The following RABGAP1L variants were observed in gnomAD, a reference collection of about 807,000 sequenced individuals.
RABGAP1L encodes rab GTPase-activating protein 1-like.
A neutral mutation model predicts 137.7 loss-of-function variants in RABGAP1L; 63 were observed. The observed-to-expected ratio is 0.46, with a 90% CI of 0.37 to 0.56. The LOEUF is 0.56. RABGAP1L is among the 20% of genes least tolerant of loss of function. The pLI is 0.00. For missense variants in RABGAP1L, 1,095 were observed against 1,244.0 expected (o/e 0.88, Z 1.80); for synonymous variants, 431 against 433.7 (o/e 0.99, Z 0.08).
intron 19 of RABGAP1L, among the ~76,000 whole-genome samples, chr1:174,825,662 C>G (rs1691488276): frequency 6.6e-6 from 1 of 152,200 alleles, no homozygotes; most frequent in African/African-American, 2.4e-5. Context: ...GGTGGTGGAT[C>G]ACTTGAGGCC....
Position 174,539,263 on chromosome 1 carries a change from A to AT in RABGAP1L, c.1711-98105dup, listed in dbSNP as rs962085129. On this transcript the variant is annotated intron_variant, in intron 13 of 25. Transcript: ENST00000681986. ...TAAACCGGGGTTTTATTTTTGATTTATTTTTTTCATTTCTTTTTTTTCTTT... is the reference window on the plus strand; with the variant it reads ...TAAACCGGGGTTTTATTTTTGATTTATTTTTTTTCATTTCTTTTTTTTCTTT... Among the ~76,000 whole-genome samples, 6 of 151,242 alleles carry AT rather than the reference A, an allele frequency of 4.0e-5. No individual in the cohort carries two copies. The South Asian group carries it at 6.3e-4, about 16-fold the overall frequency.
chr1:174,795,738 T>C (rs1351918133), intron 18 of RABGAP1L, among the ~76,000 whole-genome samples: 1 of 152,156 alleles, frequency 6.6e-6, no homozygotes, highest in Non-Finnish European at 1.5e-5. Context: ...ATTATTGTTG[T>C]TATTATTATA....
intron 13 of RABGAP1L, among the ~76,000 whole-genome samples, chr1:174,590,123 C>CTTTTTTTTTTTTTTTTTTTTTTTTTT (rs1166364912): frequency 1.7e-5 from 1 of 59,802 alleles, no homozygotes; most frequent in Non-Finnish European, 3.2e-5. Flanking sequence ...TCTTCAGTTT[C>CTTTTTTTTTTTTTTTTTTTTTTTTTT]TTTTTTTTTT....
At chr1:174,790,766 A>AGTGT (rs113486055) in intron 18 of RABGAP1L, among the ~76,000 whole-genome samples, 33 of 137,276 alleles carry the variant, frequency 2.4e-4, no homozygotes, top group African/African-American at 6.7e-4. Context: ...TGAAGCCATG[A>AGTGT]GTGTGTGTGT....
At chr1:174,783,707 C>CTTTTTTTTTT (rs34367315) in intron 18 of RABGAP1L, among the ~76,000 whole-genome samples, 54 of 102,474 alleles carry the variant, frequency 5.3e-4, no homozygotes, top group Non-Finnish European at 8.2e-4. Context: ...TCTTCTTCTT[C>CTTTTTTTTTT]TTTTTTTTTT....
At position 174,289,406 on chromosome 1, in the gene RABGAP1L, T is replaced by G. The variant is rs563902106; in HGVS notation, c.1323+10627T>G. ...TTTGTTAATGTATTGTTTTTCTGAT[T>G]AGTTGTCTGTGTTTTCTTGTAGTTC... On this transcript the variant is annotated intron_variant, in intron 10 of 25. Transcript: ENST00000681986. 4.6e-5 allele frequency among the ~76,000 whole-genome samples: 7 copies of G among 152,332 alleles called. No homozygotes were observed. The South Asian group carries it at 1.2e-3, about 27-fold the overall frequency.
intron 13 of RABGAP1L, among the ~76,000 whole-genome samples, chr1:174,572,889 G>A (rs1668088964): frequency 6.6e-6 from 1 of 152,164 alleles, no homozygotes; most frequent in Non-Finnish European, 1.5e-5. Flanking sequence ...TCATTTAGCA[G>A]CCCTGTGCAG....
chr1:174,485,001 A>AC (rs1255535841), intron 13 of RABGAP1L, among the ~76,000 whole-genome samples: 2 of 152,104 alleles, frequency 1.3e-5, no homozygotes, highest in Non-Finnish European at 1.5e-5. Context: ...ATATCTATCC[A>AC]TTTGTGTGTG....
chr1:174,587,988 C>G (rs551746957), intron 13 of RABGAP1L, among the ~76,000 whole-genome samples: 2 of 151,812 alleles, frequency 1.3e-5, no homozygotes, highest in African/African-American at 2.4e-5. Flanking sequence ...CTCAGCCTCC[C>G]GAGTAGTTGG....
chr1:174,832,173 A>T (rs912081113), intron 19 of RABGAP1L, among the ~76,000 whole-genome samples: 2 of 146,590 alleles, frequency 1.4e-5, no homozygotes, highest in African/African-American at 5.0e-5. Flanking sequence ...GGCACCTGTA[A>T]TCCCAGCTAC....
At chr1:174,622,907 A>G (rs1296241944) in intron 13 of RABGAP1L, among the ~76,000 whole-genome samples, 1 of 152,202 alleles carries the variant, frequency 6.6e-6, no homozygotes, top group Non-Finnish European at 1.5e-5. Flanking sequence ...AATTTTTTTG[A>G]AATGAATTAG....
intron 13 of RABGAP1L, among the ~76,000 whole-genome samples, chr1:174,568,189 C>A (rs762627035): frequency 7.2e-5 from 11 of 152,222 alleles, no homozygotes; most frequent in Non-Finnish European, 1.5e-4. Context: ...AGAGGCACCA[C>A]ACTCTTTCAC....
rs547803572 is a variant in RABGAP1L, at chr1:174,368,960, G to A, written c.1466-2019G>A. The stretch of plus-strand genomic sequence containing the variant: ...TCCTTTTCTCTTTTTTGTTTTCATT[G>A]TGTTCCTAGATTTTGGTCTCTAATT... On this transcript the variant is annotated intron_variant, in intron 11 of 25. Coordinates refer to ENST00000681986, the MANE Select transcript of RABGAP1L (RefSeq NM_001366446.1). 4.6e-5 allele frequency among the ~76,000 whole-genome samples: 7 copies of A among 151,700 alleles called. No homozygotes were observed. In the South Asian group the frequency reaches 1.5e-3, roughly 32 times the overall value.
chr1:174,354,060 T>C (rs1683412932), intron 11 of RABGAP1L, among the ~76,000 whole-genome samples: 1 of 152,198 alleles, frequency 6.6e-6, no homozygotes, highest in Non-Finnish European at 1.5e-5. Context: ...TTCTCTTTTA[T>C]TATTGCTTTG....
chr1:174,374,814 G>A (rs1196593935), intron 12 of RABGAP1L, among the ~76,000 whole-genome samples: 1 of 152,118 alleles, frequency 6.6e-6, no homozygotes, highest in South Asian at 2.1e-4. Flanking sequence ...TTTCAGAAGT[G>A]GAATAATGTT....
intron 1 of RABGAP1L, among the ~76,000 whole-genome samples, chr1:174,170,717 T>G (rs1665301470): frequency 6.6e-6 from 1 of 151,352 alleles, no homozygotes; most frequent in Non-Finnish European, 1.5e-5. Flanking sequence ...TGAGAGGCAG[T>G]TATCTCTTGC....
intron 19 of RABGAP1L, among the ~76,000 whole-genome samples, chr1:174,905,813 T>C (rs1658965785): frequency 6.6e-6 from 1 of 151,900 alleles, no homozygotes; most frequent in East Asian, 1.9e-4. Context: ...ATCGCGCCAC[T>C]GTACTCTAGC....
intron 18 of RABGAP1L, chr1:174,800,191 A>G: frequency 7.2e-7 from 1 of 1,393,742 alleles, no homozygotes; most frequent in Non-Finnish European, 9.3e-7. Flanking sequence ...TTTCTTGTGG[A>G]GACATTAGCT....
chr1:174,362,135 A>G (rs1040402017), intron 11 of RABGAP1L, among the ~76,000 whole-genome samples: 4 of 152,138 alleles, frequency 2.6e-5, no homozygotes, highest in African/African-American at 9.7e-5. Flanking sequence ...ATGGCTACAT[A>G]TTATTCCATT....
Sources: gnomAD v4.1 joint callset for allele counts (sites outside exome capture counted in the v4.1 genomes callset) on GRCh38, gnomAD v4.1.1 for gene constraint, MANE v1.5 for transcripts, NCBI Gene and HGNC (gene_info 2026-07-23, HGNC 2026-07-21) for gene names.